The following SLC27A1 variants were observed in gnomAD, a reference collection of about 807,000 sequenced individuals.
The protein encoded by SLC27A1 is solute carrier family 27 member 1.
Under a neutral mutation model 62.2 loss-of-function variants are expected in SLC27A1, and 61 were observed. The ratio of observed to expected loss-of-function variants is 0.98; its 90% CI spans 0.80 to 1.21. The LOEUF (loss-of-function observed/expected upper bound fraction) is 1.21, where lower values mean the gene tolerates loss of function less well. Among genes scored for constraint, SLC27A1 ranks in the 50% most tolerant of loss-of-function variants. The probability of loss-of-function intolerance (pLI) is 0.00; values close to 1 mark genes in which losing one functional copy is unlikely to be tolerated. For synonymous variants in SLC27A1, 435 were observed against 408.6 expected (o/e 1.06, Z -0.78); for missense variants, 903 against 932.1 (o/e 0.97, Z 0.41).
chr19:17,473,298 G>T (rs575156093), intron 1 of SLC27A1, among the ~76,000 whole-genome samples: 2 of 152,304 alleles, frequency 1.3e-5, no homozygotes, highest in African/African-American at 4.8e-5. Context: ...CTCATGTGAG[G>T]TTATGAGTCA....
chr19:17,481,964 G>C (rs904878501), intron 1 of SLC27A1, among the ~76,000 whole-genome samples: 3 of 152,160 alleles, frequency 2.0e-5, no homozygotes, highest in Admixed American at 2.0e-4. Context: ...CCCTTAGATC[G>C]GGCTGGGGCC....
Position 17,497,328 on chromosome 19 carries a change from G to A in SLC27A1, c.1070G>A (p.Arg357His), listed in dbSNP as rs763304725. The change falls in exon 7 of 12, where the codon CGC (arginine) becomes CAC (histidine). Residue 357 changes from arginine to histidine, a missense_variant. Coordinates refer to ENST00000252595, the MANE Select transcript of SLC27A1 (RefSeq NM_198580.3). ...QPVREAERRHRVRLAVGNGLR... is the reference protein window; with the variant it reads ...QPVREAERRHHVRLAVGNGLR... ...GTGCGCGAGGCGGAGAGGCGACACC[G>A]CGTGCGCCTGGCGGTGGGGAACGGG... The A allele has an allele frequency of 5.0e-6, 8 of 1,605,112 alleles. No homozygotes were observed. The highest frequency in any genetic ancestry group is 4.0e-5 in the African/African-American group (3 of 74,178).
In SLC27A1 at chr19:17,505,460, G is replaced by A. The variant is rs1195249941; in HGVS notation, c.*848G>A. On this transcript the variant is annotated 3_prime_UTR_variant, in exon 12 of 12. Coordinates refer to ENST00000252595, the MANE Select transcript of SLC27A1 (RefSeq NM_198580.3). Reference sequence around the variant, plus strand: ...TCCCTGCTGAATGGAGGAGCCGGGGGTCCCCCAGGCCAACTGGAAAATCTC... The same window carrying A: ...TCCCTGCTGAATGGAGGAGCCGGGGATCCCCCAGGCCAACTGGAAAATCTC... The A allele has an allele frequency of 6.5e-6, 1 of 153,840 alleles. No homozygotes were observed. Among genetic ancestry groups the A allele is most frequent in the East Asian group, 1.9e-4 (1 of 5,206 alleles). 9.5% of individuals were successfully genotyped at this position (153,840 alleles called of 1,614,324 possible). A position where few individuals can be genotyped will look rare whatever the true frequency, so the allele number is the denominator to read the frequency against.
Position 17,486,835 on chromosome 19 carries a change from GC to G in SLC27A1, c.442del (p.Leu148TrpfsTer13), listed in dbSNP as rs2075236511. 3 of 1,591,188 alleles carry G rather than the reference GC, an allele frequency of 1.9e-6. No individual in the cohort carries two copies. The highest frequency in any genetic ancestry group is 2.6e-6 in the Non-Finnish European group (3 of 1,173,462). ...GRPEFVGLWL[G>X]LAKAGMEAAL... ...CCGGAGTTCGTGGGGCTGTGGCTGG[GC>G]CTGGCCAAGGCGGGCATGGAGGCCG... On this transcript the variant is annotated frameshift_variant, in exon 2 of 12. Transcript: ENST00000252595. LOFTEE classifies it high-confidence loss of function. This position sits in a 1 kb window ranked among gnomAD's most constrained non-coding sequence, Gnocchi z 6.6.
At position 17,486,422 on chromosome 19, in the gene SLC27A1, G is replaced by A; in HGVS notation, c.168-141G>A. 9.8e-7 allele frequency: 1 copy of A among 1,020,528 alleles called. No homozygotes were observed. Among genetic ancestry groups the A allele is most frequent in the Non-Finnish European group, 1.4e-6 (1 of 723,194 alleles). 63.2% of individuals were successfully genotyped at this position (1,020,528 alleles called of 1,614,324 possible). Reference sequence around the variant, plus strand: ...GGCCCTTGCCCTTGGTCCACTGAGAGATCCAGCCACCAAAAGTTTCACCAT... The same window carrying A: ...GGCCCTTGCCCTTGGTCCACTGAGAAATCCAGCCACCAAAAGTTTCACCAT... On this transcript the variant is annotated intron_variant, in intron 1 of 11. Coordinates refer to ENST00000252595, the MANE Select transcript of SLC27A1 (RefSeq NM_198580.3). The surrounding 1 kb of genome is among the most constrained non-coding windows in gnomAD (Gnocchi z 6.6).
upstream of SLC27A1, chr19:17,470,395 G>T: frequency 1.0e-6 from 1 of 992,998 alleles, no homozygotes; most frequent in Non-Finnish European, 1.4e-6. Flanking sequence ...AGTCTGACTC[G>T]GAGCGCGTTC....
intron 4 of SLC27A1, 41 bp from the exon 5 acceptor site, chr19:17,488,807 G>T (rs2075263983): frequency 6.3e-7 from 1 of 1,576,870 alleles, no homozygotes; most frequent in East Asian, 2.3e-5. Flanking sequence ...GGGGGATTTA[G>T]GTCCCAGCCT....
chr19:17,475,281 A>T (rs964037067), intron 1 of SLC27A1, among the ~76,000 whole-genome samples: 1 of 152,156 alleles, frequency 6.6e-6, no homozygotes, highest in Admixed American at 6.6e-5. Flanking sequence ...AGGCTCGTGC[A>T]TATAATTCCA....
Position 17,497,299 on chromosome 19 carries a change from G to A in SLC27A1, c.1041G>A (p.Gln347=). 2 of 1,606,910 alleles carry A rather than the reference G, an allele frequency of 1.2e-6. No individual in the cohort carries two copies. Among genetic ancestry groups the A allele is most frequent in the African/African-American group, 2.7e-5 (2 of 74,430 alleles). ...IGEICRYLLK[Q]PVREAERRHR... ...AGATCTGCCGCTACCTGCTGAAGCA[G>A]CCGGTGCGCGAGGCGGAGAGGCGAC... The change falls in exon 7 of 12, where the codon CAG becomes CAA. Residue 347 remains glutamine (Q), a synonymous_variant. Coordinates refer to ENST00000252595, the MANE Select transcript of SLC27A1 (RefSeq NM_198580.3).
At chr19:17,499,486 A>C (rs1445534586) in intron 7 of SLC27A1, 1 of 151,968 alleles carries the variant, frequency 6.6e-6, no homozygotes, top group Non-Finnish European at 1.5e-5. Context: ...ATTATACTGG[A>C]ATGGCTCGTG....
At chr19:17,491,760 G>A (rs981119548) in intron 6 of SLC27A1, among the ~76,000 whole-genome samples, 27 of 152,082 alleles carry the variant, frequency 1.8e-4, no homozygotes, top group Non-Finnish European at 4.0e-4. Context: ...TGTAGTCCCA[G>A]CTGCTTGGGA....
intron 9 of SLC27A1, 33 bp downstream of exon 9, chr19:17,500,665 G>A (rs780018899): frequency 3.7e-5 from 59 of 1,613,882 alleles, no homozygotes; most frequent in Non-Finnish European, 4.7e-5. Context: ...GTGACTGGCT[G>A]TGCGGATGGG....
chr19:17,470,840 G>A (rs1599634844), intron 1 of SLC27A1, 133 bp downstream of exon 1: 1 of 712,454 alleles, frequency 1.4e-6, no homozygotes, highest in East Asian at 3.4e-5. Flanking sequence ...TTGGGGGCGG[G>A]GCTGGGCCGA....
At chr19:17,469,249 C>A (rs1311217683), upstream of SLC27A1, among the ~76,000 whole-genome samples, 1 of 152,082 alleles carries the variant, frequency 6.6e-6, no homozygotes, top group Non-Finnish European at 1.5e-5. Context: ...GTGTTAAGAC[C>A]GCGGCGGTGT....
In SLC27A1 at chr19:17,504,635, A is replaced by C; in HGVS notation, c.*23A>C. 6.2e-7 allele frequency: 1 copy of C among 1,613,560 alleles called. No individual in the cohort carries two copies. Among genetic ancestry groups the C allele is most frequent in the Non-Finnish European group, 8.5e-7 (1 of 1,179,846 alleles). Reference sequence around the variant, plus strand: ...TGAAGCTGTTCCTCTACTGGCCACAAACTCTGGGCCTGGTGGGAGAGGCCA... The same window carrying C: ...TGAAGCTGTTCCTCTACTGGCCACACACTCTGGGCCTGGTGGGAGAGGCCA... On this transcript the variant is annotated 3_prime_UTR_variant, in exon 12 of 12. Transcript: ENST00000252595.
intron 11 of SLC27A1, among the ~76,000 whole-genome samples, chr19:17,503,933 A>G (rs1434745719): frequency 4.4e-5 from 2 of 45,592 alleles, no homozygotes; most frequent in African/African-American, 1.6e-4. Flanking sequence ...CTATGTCTCA[A>G]AAAAAAAAAA....
upstream of SLC27A1, among the ~76,000 whole-genome samples, chr19:17,470,057 G>A (rs933006278): frequency 1.3e-5 from 2 of 152,080 alleles, no homozygotes; most frequent in African/African-American, 4.8e-5. Context: ...GTAGAGGCAG[G>A]ACCAGGAGGA....
rs1433474246 is a variant in SLC27A1 at position 17,486,618 on chromosome 19, G to A, written c.223G>A (p.Gly75Ser). The A allele has an allele frequency of 1.3e-6, 2 of 1,597,436 alleles. No homozygotes were observed. Among genetic ancestry groups the A allele is most frequent in the South Asian group, 1.1e-5 (1 of 90,212 alleles). Residue 75 changes from glycine (G) to serine (S), a missense_variant, in exon 2 of 12, where the codon GGC becomes AGC. Gly to Ser is a moderately conservative substitution (Grantham distance 56). Transcript: ENST00000252595. This position sits in a 1 kb window ranked among gnomAD's most constrained non-coding sequence, Gnocchi z 6.6. ...RLELRRHQRA[G>S]HTIPRIFQAV... ...GGAGCTGCGGCGGCACCAGCGTGCC[G>A]GCCACACCATCCCGCGCATCTTTCA...
At chr19:17,469,081 C>T (rs1001616826), upstream of SLC27A1, 2 of 152,236 alleles carry the variant, frequency 1.3e-5, no homozygotes, top group South Asian at 4.1e-4. Context: ...CATCTAGGAC[C>T]CCGGGGTGCA....
Sources: allele counts gnomAD v4.1 joint callset (sites outside exome capture counted in the v4.1 genomes callset), GRCh38; gene constraint gnomAD v4.1.1; non-coding constraint Gnocchi (gnomAD v3.1); transcripts MANE v1.5; gene names NCBI Gene and HGNC (gene_info 2026-07-23, HGNC 2026-07-21).